Variants in PRKCA observed in about 807,000 individuals in gnomAD.
PRKCA encodes the protein protein kinase C alpha.
A neutral mutation model predicts 87.0 loss-of-function variants in PRKCA; 27 were observed. The observed-to-expected ratio is 0.31, with a 90% CI of 0.23 to 0.43. The LOEUF (loss-of-function observed/expected upper bound fraction) is 0.43, where lower values mean the gene tolerates loss of function less well. Among genes scored for constraint, PRKCA ranks in the 20% least tolerant of loss-of-function variants. The pLI, the probability that PRKCA is intolerant of heterozygous loss-of-function variation, is 1.00. For missense variants in PRKCA, 518 were observed against 852.3 expected, an observed-to-expected ratio of 0.61 and a Z score of 4.88; for synonymous variants, 329 against 311.1, an observed-to-expected ratio of 1.06 and a Z score of -0.61.
chr17:66,594,679 A>T (rs188383661), intron 3 of PRKCA, among the ~76,000 whole-genome samples: 2 of 152,230 alleles, frequency 1.3e-5, no homozygotes, highest in East Asian at 1.9e-4. Context: ...CAAGAAAATG[A>T]CTTCCCAGTT....
intron 13 of PRKCA, among the ~76,000 whole-genome samples, chr17:66,760,062 C>T (rs1974648198): frequency 6.6e-6 from 1 of 152,230 alleles, no homozygotes; most frequent in Non-Finnish European, 1.5e-5. Flanking sequence ...CTCAGCAATA[C>T]TGTCCTGTAG....
intron 13 of PRKCA, among the ~76,000 whole-genome samples, chr17:66,755,377 ACGC>A (rs1404504537): frequency 6.6e-6 from 1 of 152,108 alleles, no homozygotes; most frequent in African/African-American, 2.4e-5. Flanking sequence ...TAGTCCAGTC[ACGC>A]CTCCTTAATA....
chr17:66,461,237 C>T (rs150687701), intron 2 of PRKCA, among the ~76,000 whole-genome samples: 159 of 149,360 alleles, frequency 1.1e-3, no homozygotes, highest in African/African-American at 3.8e-3. Context: ...AAGAAAATCA[C>T]ATCCCAATCC....
chr17:66,645,582 A>T, intron 5 of PRKCA, 71 bp downstream of exon 5: 5 of 1,580,254 alleles, frequency 3.2e-6, no homozygotes, highest in Non-Finnish European at 4.3e-6. Context: ...ATATTAAGGC[A>T]GGGTGGGGGC....
chr17:66,503,333 A>G (rs1240911090), intron 3 of PRKCA, among the ~76,000 whole-genome samples: 3 of 152,118 alleles, frequency 2.0e-5, no homozygotes, highest in Non-Finnish European at 2.9e-5. Context: ...TTCGCAGGTT[A>G]TTGCTCTATC....
chr17:66,577,327 TTCTACTCCTGATG>T (rs1392517026), intron 3 of PRKCA, among the ~76,000 whole-genome samples: 1 of 152,126 alleles, frequency 6.6e-6, no homozygotes, highest in African/African-American at 2.4e-5. Flanking sequence ...AAGGCCTCAT[TTCTACTCCTGATG>T]TCTACTCCTG....
Position 66,716,603 on chromosome 17 carries a change from G to A in PRKCA, c.919-16085G>A, listed in dbSNP as rs1038458477. ...AGGTGTTTAGCAGGTGAGACAAGGCGTGCACCACCAAGATTAGCGATCCTA... is the reference window on the plus strand; with the variant it reads ...AGGTGTTTAGCAGGTGAGACAAGGCATGCACCACCAAGATTAGCGATCCTA... On this transcript the variant is annotated intron_variant, in intron 8 of 16. Coordinates refer to ENST00000413366, the MANE Select transcript of PRKCA (RefSeq NM_002737.3). Among the ~76,000 whole-genome samples, 4 of 152,122 alleles carry A rather than the reference G, an allele frequency of 2.6e-5. No homozygotes were observed. In the East Asian group the frequency reaches 5.8e-4, roughly 22 times the overall value.
chr17:66,632,406 G>A (rs1227505328), intron 3 of PRKCA, among the ~76,000 whole-genome samples: 1 of 152,048 alleles, frequency 6.6e-6, no homozygotes, highest in Admixed American at 6.6e-5. Context: ...TTGAGACGGG[G>A]TCTTGCTCTG....
chr17:66,542,782 C>A (rs1012074040), intron 3 of PRKCA, among the ~76,000 whole-genome samples: 8 of 152,162 alleles, frequency 5.3e-5, no homozygotes, highest in Non-Finnish European at 8.8e-5. Flanking sequence ...TGAGAAAGTA[C>A]AGATTAATGC....
rs370346379 is a variant in PRKCA, at chr17:66,653,744, C to T, written c.529+8233C>T. Among the ~76,000 whole-genome samples, 7 of 148,164 alleles carry T rather than the reference C, an allele frequency of 4.7e-5. No homozygotes were observed. The East Asian group carries it at 8.0e-4, about 17-fold the overall frequency. Reference sequence around the variant, plus strand: ...CTCTCCTCGATCTGGGGGTTCCATGCCTACTTTAAAGACACCAGCTTCTAT... The same window carrying T: ...CTCTCCTCGATCTGGGGGTTCCATGTCTACTTTAAAGACACCAGCTTCTAT... On this transcript the variant is annotated intron_variant, in intron 5 of 16. Coordinates refer to ENST00000413366, the MANE Select transcript of PRKCA (RefSeq NM_002737.3).
intron 16 of PRKCA, among the ~76,000 whole-genome samples, chr17:66,798,675 T>C (rs1598953916): frequency 1.6e-5 from 2 of 122,508 alleles, no homozygotes; most frequent in African/African-American, 3.3e-5. Context: ...GTGGTGGTGA[T>C]GGTGGTGGTG....
At position 66,803,834 on chromosome 17, in the gene PRKCA, G is replaced by A. The variant is rs775574688; in HGVS notation, c.1855-39G>A. 3 of 1,605,460 alleles carry A rather than the reference G, an allele frequency of 1.9e-6. No individual in the cohort carries two copies. Among genetic ancestry groups the A allele is most frequent in the Admixed American group, 3.3e-5 (2 of 59,856 alleles). ...CGGAGAGCTGCTCCCGCATTGTCAT[G>A]TTGACTGACCTTTCCTTCTTTTTGT... On this transcript the variant is annotated intron_variant, in intron 16 of 16. Transcript: ENST00000413366. The surrounding 1 kb of genome is among the most constrained non-coding windows in gnomAD (Gnocchi z 4.4).
chr17:66,797,586 C>A (rs1975698664), intron 16 of PRKCA, among the ~76,000 whole-genome samples: 1 of 152,210 alleles, frequency 6.6e-6, no homozygotes, highest in Admixed American at 6.5e-5. Flanking sequence ...TGGATCCTCA[C>A]AACAGCCTGG....
intron 3 of PRKCA, among the ~76,000 whole-genome samples, chr17:66,557,468 G>A (rs1288716366): frequency 6.6e-6 from 1 of 151,706 alleles, no homozygotes; most frequent in African/African-American, 2.4e-5. Flanking sequence ...GATGTACACA[G>A]TCTAATGAAT....
chr17:66,469,155 C>T (rs181725558), intron 2 of PRKCA, among the ~76,000 whole-genome samples: 95 of 152,292 alleles, frequency 6.2e-4, no homozygotes, highest in Non-Finnish European at 1.1e-3. Context: ...TTCACCATCT[C>T]GAGAACACTG....
At chr17:66,493,297 TTGTGTGTG>T (rs61513917) in intron 2 of PRKCA, among the ~76,000 whole-genome samples, 13 of 143,076 alleles carry the variant, frequency 9.1e-5, no homozygotes, top group African/African-American at 2.5e-4. Flanking sequence ...GTAGGTATAT[TTGTGTGTG>T]TGTGTGTGTG....
intron 5 of PRKCA, among the ~76,000 whole-genome samples, chr17:66,684,560 T>C (rs1972576101): frequency 6.6e-6 from 1 of 152,252 alleles, no homozygotes; most frequent in African/African-American, 2.4e-5. Context: ...TTAGAATTGA[T>C]AACTCTTTTT....
rs778871520 is a variant in PRKCA at position 66,689,848 on chromosome 17, T to A, written c.918+801T>A. On this transcript the variant is annotated intron_variant, in intron 8 of 16. Transcript: ENST00000413366. This position sits in a 1 kb window ranked among gnomAD's most constrained non-coding sequence, Gnocchi z 4.1. ...GACTCCTAGAGTAGCCTTTTCAGTC[T>A]GTGTAACTGGTTAATTCCTTCGTGA... Among the ~76,000 whole-genome samples the A allele has an allele frequency of 3.3e-5, 5 of 152,260 alleles. No homozygotes were observed. Among genetic ancestry groups the A allele is most frequent in the Non-Finnish European group, 7.3e-5 (5 of 68,050 alleles).
At chr17:66,436,177 T>C (rs1913382361) in intron 2 of PRKCA, among the ~76,000 whole-genome samples, 1 of 152,104 alleles carries the variant, frequency 6.6e-6, no homozygotes, top group Non-Finnish European at 1.5e-5. Context: ...TGCTTGAGAA[T>C]CAAGAGGTTG....
Sources: gnomAD v4.1 joint callset for allele counts (sites outside exome capture counted in the v4.1 genomes callset) on GRCh38, gnomAD v4.1.1 for gene constraint, Gnocchi (gnomAD v3.1) non-coding constraint, MANE v1.5 for transcripts, NCBI Gene and HGNC (gene_info 2026-07-23, HGNC 2026-07-21) for gene names.